The following GLIS3 variants were observed in gnomAD, a reference collection of about 807,000 sequenced individuals.
The protein encoded by GLIS3 is zinc finger protein GLIS3.
In GLIS3, 53 loss-of-function variants were observed where a neutral mutation model predicts 78.6. The ratio of observed to expected loss-of-function variants is 0.67; its 90% CI spans 0.54 to 0.85. The LOEUF is 0.85. Ranked by LOEUF, GLIS3 falls within the 40% of genes least tolerant of loss-of-function variation. The pLI, the probability that GLIS3 is intolerant of heterozygous loss-of-function variation, is 0.00. For missense variants in GLIS3, 1,703 were observed against 1,231.1 expected (o/e 1.38, Z -5.74); for synonymous variants, 684 against 509.9 (o/e 1.34, Z -4.60).
chr9:4,046,341 C>T (rs1825246392), intron 4 of GLIS3, among the ~76,000 whole-genome samples: 1 of 152,074 alleles, frequency 6.6e-6, no homozygotes. Flanking sequence ...CTGAGAAAAA[C>T]AGTAAAGACC....
At chr9:4,314,532 A>C (rs543930522) in intron 2 of GLIS3, among the ~76,000 whole-genome samples, 1 of 152,334 alleles carries the variant, frequency 6.6e-6, no homozygotes, top group South Asian at 2.1e-4. Context: ...GTCTTCAGGC[A>C]AAAAAGAAAG....
At chr9:4,156,160 G>C (rs954727869) in intron 2 of GLIS3, among the ~76,000 whole-genome samples, 1 of 151,834 alleles carries the variant, frequency 6.6e-6, no homozygotes, top group Non-Finnish European at 1.5e-5. Context: ...CCCTTGAGCA[G>C]CCCTGAAGCC....
At chr9:4,275,840 T>C (rs1826932264) in intron 2 of GLIS3, among the ~76,000 whole-genome samples, 1 of 152,322 alleles carries the variant, frequency 6.6e-6, no homozygotes. Context: ...AACTGAGCCT[T>C]GATGTCTTCA....
the GLIS3 span, among the ~76,000 whole-genome samples, chr9:4,449,945 A>T: frequency 6.6e-6 from 1 of 152,186 alleles, no homozygotes. Context: ...TTCTCCTCCA[A>T]AGGATCACAG....
intron 4 of GLIS3, among the ~76,000 whole-genome samples, chr9:3,957,661 ACT>A (rs1387770656): frequency 2.6e-5 from 4 of 152,324 alleles, no homozygotes; most frequent in African/African-American, 9.6e-5. Flanking sequence ...ATATCGCATG[ACT>A]CTGGAAAACA....
At chr9:4,175,183 A>T (rs12683487) in intron 2 of GLIS3, among the ~76,000 whole-genome samples, 42,311 of 152,110 alleles carry the variant, frequency 0.28, 6,316 homozygotes, top group South Asian at 0.43. Flanking sequence ...GAATTCCTCC[A>T]TTAGAACCTC....
At chr9:4,028,187 A>C (rs1006477479) in intron 4 of GLIS3, among the ~76,000 whole-genome samples, 3 of 152,220 alleles carry the variant, frequency 2.0e-5, no homozygotes, top group African/African-American at 7.2e-5. Context: ...CAATGCACAT[A>C]TAGGAGCCTA....
the GLIS3 span, among the ~76,000 whole-genome samples, chr9:4,438,483 T>A: frequency 6.6e-6 from 1 of 152,186 alleles, no homozygotes; most frequent in Admixed American, 6.5e-5. Context: ...GATGATGAGA[T>A]GGTGGCAGTG....
intron 4 of GLIS3, among the ~76,000 whole-genome samples, chr9:4,074,926 CTG>C (rs1827918246): frequency 6.6e-6 from 1 of 152,134 alleles, no homozygotes; most frequent in South Asian, 2.1e-4. Flanking sequence ...AATACAGAAA[CTG>C]TAGTTCTCCT....
At chr9:4,345,925 G>T (rs140828240) in intron 2 of GLIS3, among the ~76,000 whole-genome samples, 9 of 152,212 alleles carry the variant, frequency 5.9e-5, no homozygotes, top group Non-Finnish European at 1.2e-4. Context: ...TGATAAAAAT[G>T]AAATTAAATT....
intron 5 of GLIS3, chr9:3,932,765 T>C: frequency 2.3e-6 from 1 of 429,888 alleles, no homozygotes; most frequent in Non-Finnish European, 4.5e-6. Context: ...AATGTGGAAA[T>C]TATTAGTAAG....
the GLIS3 span, among the ~76,000 whole-genome samples, chr9:4,407,749 C>T: frequency 6.6e-6 from 1 of 152,132 alleles, no homozygotes; most frequent in Non-Finnish European, 1.5e-5. Flanking sequence ...GCAAACAAAG[C>T]AGAAATGTAC....
intron 4 of GLIS3, among the ~76,000 whole-genome samples, chr9:4,006,274 C>A (rs1414061127): frequency 7.8e-6 from 1 of 128,460 alleles, no homozygotes; most frequent in Middle Eastern, 5.2e-3. Context: ...ATTCTGAGCA[C>A]TGCTTTTAAC....
chr9:3,924,510 G>T (rs1203645329), intron 6 of GLIS3, among the ~76,000 whole-genome samples: 1 of 152,204 alleles, frequency 6.6e-6, no homozygotes, highest in Non-Finnish European at 1.5e-5. Context: ...CCACCTGCCT[G>T]GTATCCACCA....
At chr9:4,037,002 CAG>C (rs779086677) in intron 4 of GLIS3, among the ~76,000 whole-genome samples, 5 of 152,138 alleles carry the variant, frequency 3.3e-5, no homozygotes, top group Non-Finnish European at 7.4e-5. Context: ...GAGCTGAAGA[CAG>C]GGGTGTCCAT....
chr9:4,270,308 G>A (rs1017171164), intron 2 of GLIS3, among the ~76,000 whole-genome samples: 6 of 152,172 alleles, frequency 3.9e-5, no homozygotes, highest in Non-Finnish European at 8.8e-5. Flanking sequence ...GACAATAACT[G>A]TACTAATTAT....
At chr9:4,402,781 G>T in the GLIS3 span, among the ~76,000 whole-genome samples, 7 of 152,006 alleles carry the variant, frequency 4.6e-5, no homozygotes, top group African/African-American at 1.7e-4. Flanking sequence ...CACAGAAGGG[G>T]AAAGAAAGAT....
intron 2 of GLIS3, among the ~76,000 whole-genome samples, chr9:4,203,674 A>G (rs1487225376): frequency 6.6e-6 from 1 of 152,222 alleles, no homozygotes; most frequent in African/African-American, 2.4e-5. Flanking sequence ...CTGCAGCACT[A>G]TTCACAATAG....
chr9:4,050,858 G>C (rs1825703692), intron 4 of GLIS3, among the ~76,000 whole-genome samples: 1 of 152,186 alleles, frequency 6.6e-6, no homozygotes, highest in Non-Finnish European at 1.5e-5. Flanking sequence ...CGTAAGAGGA[G>C]ATAAAAAGTG....
Sources: gnomAD v4.1 joint callset for allele counts (sites outside exome capture counted in the v4.1 genomes callset) on GRCh38, gnomAD v4.1.1 for gene constraint, MANE v1.5 for transcripts, NCBI Gene and HGNC (gene_info 2026-07-23, HGNC 2026-07-21) for gene names.